The following PPFIA4 variants were observed in gnomAD, a reference collection of about 807,000 sequenced individuals.
PPFIA4 encodes liprin-alpha-4.
Under a neutral mutation model 145.7 loss-of-function variants are expected in PPFIA4, and 98 were observed. The ratio of observed to expected loss-of-function variants is 0.67; its 90% CI spans 0.57 to 0.80. PPFIA4 has a LOEUF of 0.80. PPFIA4 is among the 30% of genes least tolerant of loss of function. The pLI is 0.00. For missense variants in PPFIA4, 1,457 were observed against 1,632.7 expected, an observed-to-expected ratio of 0.89 and a Z score of 1.85; for synonymous variants, 628 against 649.6, an observed-to-expected ratio of 0.97 and a Z score of 0.51.
intron 9 of PPFIA4, 184 bp downstream of exon 9, chr1:203,046,566 T>C: frequency 1.6e-6 from 1 of 617,896 alleles, no homozygotes. Context: ...ATCCCTGTCC[T>C]CATCACCCTG....
intron 13 of PPFIA4, chr1:203,051,047 A>G: frequency 1.3e-6 from 1 of 744,022 alleles, no homozygotes; most frequent in Non-Finnish European, 1.6e-6. Context: ...GTGTCCCTTC[A>G]CTCTGGACTC....
intron 25 of PPFIA4, among the ~76,000 whole-genome samples, chr1:203,066,239 C>T (rs1661721312): frequency 6.6e-6 from 1 of 152,204 alleles, no homozygotes; most frequent in Admixed American, 6.5e-5. Flanking sequence ...TGGACCAAAG[C>T]TTAAACCAGC....
chr1:203,068,131 A>T lies in PPFIA4; in HGVS notation c.3149-322A>T, dbSNP rs1041320799. ...GATGCAAGTCTTAGAGGAGACCTTG[A>T]AGGTGGAAAGAATAAGAAGGCCATT... is the stretch of plus-strand genomic sequence containing the variant. On this transcript the variant is annotated intron_variant, in intron 26 of 29. Transcript: ENST00000295706. This position sits in a 1 kb window ranked among gnomAD's most constrained non-coding sequence, Gnocchi z 4.7. Among the ~76,000 whole-genome samples the T allele has an allele frequency of 3.9e-5, 6 of 152,140 alleles. No individual in the cohort carries two copies. Among genetic ancestry groups the T allele is most frequent in the Non-Finnish European group, 7.4e-5 (5 of 68,026 alleles).
In PPFIA4 at chr1:203,068,329, G is replaced by A. The variant is rs1286626374; in HGVS notation, c.3149-124G>A. ...AAGAAGATATGGAAATTTAGGGATG[G>A]AGTGGGGGTCAGAGAGCAGGGTGGA... On this transcript the variant is annotated intron_variant, in intron 26 of 29. Coordinates refer to ENST00000295706, the MANE Select transcript of PPFIA4 (RefSeq NM_001304331.2). The surrounding 1 kb of genome is among the most constrained non-coding windows in gnomAD (Gnocchi z 4.7). 2.5e-6 allele frequency: 2 copies of A among 812,224 alleles called. No individual in the cohort carries two copies. Among genetic ancestry groups the A allele is most frequent in the African/African-American group, 1.8e-5 (1 of 54,792 alleles). 50.3% of individuals were successfully genotyped at this position (812,224 alleles called of 1,614,324 possible). A position where few individuals can be genotyped will look rare whatever the true frequency, so the allele number is the denominator to read the frequency against.
Position 203,038,717 on chromosome 1 carries a change from G to T in PPFIA4, c.-292G>T, listed in dbSNP as rs1391696449. ...GCCATCTTCCAGCCCTGCTGTCCCTGCCTGTCATGGCCACATTCGGCTGCT... is the reference window on the plus strand; with the variant it reads ...GCCATCTTCCAGCCCTGCTGTCCCTTCCTGTCATGGCCACATTCGGCTGCT... On this transcript the variant is annotated 5_prime_UTR_variant, in exon 2 of 30. Coordinates refer to ENST00000295706, the MANE Select transcript of PPFIA4 (RefSeq NM_001304331.2). 2 of 255,426 alleles carry T rather than the reference G, an allele frequency of 7.8e-6. No homozygotes were observed. Among genetic ancestry groups the T allele is most frequent in the Non-Finnish European group, 1.5e-5 (2 of 133,340 alleles). The allele number at this position is 255,426 out of a possible 1,614,324, so 15.8% of individuals were successfully genotyped here.
At position 203,048,912 on chromosome 1, in the gene PPFIA4, C is replaced by A. The variant is rs1457221090; in HGVS notation, c.1357-6C>A. 1.3e-6 allele frequency: 2 copies of A among 1,548,344 alleles called. No individual in the cohort carries two copies. Among genetic ancestry groups the A allele is most frequent in the Non-Finnish European group, 8.7e-7 (1 of 1,146,818 alleles). ...AGGGGCCTGGCTCACAGCTGCTCTC[C>A]CCCAGAACACGTTGATCCAGGAGTT... On this transcript the variant is annotated splice_region_variant and splice_polypyrimidine_tract_variant and intron_variant, in intron 11 of 29. Transcript: ENST00000295706. The surrounding 1 kb of genome is among the most constrained non-coding windows in gnomAD (Gnocchi z 5.8).
chr1:203,060,318 G>A lies in PPFIA4; in HGVS notation c.2685G>A (p.Glu895=). Residue 895 remains glutamate, a synonymous_variant, in exon 22 of 30, where the codon GAG becomes GAA. Coordinates refer to ENST00000295706, the MANE Select transcript of PPFIA4 (RefSeq NM_001304331.2). This position sits in a 1 kb window ranked among gnomAD's most constrained non-coding sequence, Gnocchi z 4.8. ...TGTCGGACACAGAGATCCAGCGGGA[G>A]ATCGGCATCAGCAATGCCCTGCACC... ...SALSDTEIQR[E]IGISNALHRL... 6.2e-7 allele frequency: 1 copy of A among 1,614,110 alleles called. No individual in the cohort carries two copies. Among genetic ancestry groups the A allele is most frequent in the Non-Finnish European group, 8.5e-7 (1 of 1,179,950 alleles).
chr1:203,061,543 G>A (rs970906874), intron 23 of PPFIA4, 109 bp from the exon 24 acceptor site: 99 of 1,150,582 alleles, frequency 8.6e-5, no homozygotes, highest in Middle Eastern at 2.8e-4. Flanking sequence ...CAGTCACCCA[G>A]CCAGATACTG....
chr1:203,052,045 G>GCCTC (rs1553257052), intron 14 of PPFIA4, among the ~76,000 whole-genome samples, 168 bp downstream of exon 14: 1 of 102,972 alleles, frequency 9.7e-6, no homozygotes, highest in African/African-American at 3.8e-5. Flanking sequence ...CAACAGCTGT[G>GCCTC]CCCCCCCCCC....
chr1:203,044,879 T>C, intron 6 of PPFIA4, 94 bp downstream of exon 6: 1 of 995,778 alleles, frequency 1.0e-6, no homozygotes. Flanking sequence ...GACTAACTGC[T>C]TGAATTAAAT....
chr1:203,056,286 T>G, intron 17 of PPFIA4, 89 bp from the exon 18 acceptor site: 1 of 1,599,310 alleles, frequency 6.3e-7, no homozygotes, highest in African/African-American at 1.3e-5. Context: ...CCCCACTGCA[T>G]TTCTCCATGC....
intron 1 of PPFIA4, chr1:203,035,111 C>T (rs1659132846): frequency 2.8e-6 from 1 of 351,340 alleles, no homozygotes. Flanking sequence ...GACCCCCGCC[C>T]TCCCCATTTC....
intron 24 of PPFIA4, 29 bp downstream of exon 24, chr1:203,061,707 G>A: frequency 6.4e-7 from 1 of 1,555,198 alleles, no homozygotes; most frequent in Non-Finnish European, 8.7e-7. Context: ...TCTAGAACCA[G>A]CTCCCAAAAC....
intron 18 of PPFIA4, 64 bp from the exon 19 acceptor site, chr1:203,056,720 C>G (rs1262502631): frequency 2.1e-6 from 3 of 1,411,466 alleles, no homozygotes; most frequent in Non-Finnish European, 2.9e-6. Flanking sequence ...TAACTTCCAT[C>G]TTTCCTGCTG....
intron 14 of PPFIA4, among the ~76,000 whole-genome samples, chr1:203,053,232 A>G (rs569277683): frequency 6.6e-6 from 1 of 152,304 alleles, no homozygotes; most frequent in South Asian, 2.1e-4. Context: ...GTAATGTGCA[A>G]ACAAATCACC....
At chr1:203,072,285 C>T (rs1470925554) in intron 28 of PPFIA4, among the ~76,000 whole-genome samples, 2 of 152,210 alleles carry the variant, frequency 1.3e-5, no homozygotes, top group Non-Finnish European at 2.9e-5. Context: ...TAAACACACG[C>T]TCGGGCTTTT....
intron 19 of PPFIA4, among the ~76,000 whole-genome samples, chr1:203,058,438 A>G (rs1465911560): frequency 6.6e-6 from 1 of 152,148 alleles, no homozygotes; most frequent in Non-Finnish European, 1.5e-5. Context: ...GGCCACAGAC[A>G]GGGGAAGCTG....
At chr1:203,034,867 A>G (rs763345468) in intron 1 of PPFIA4, 1 of 356,104 alleles carries the variant, frequency 2.8e-6, no homozygotes, top group Non-Finnish European at 5.6e-6. Flanking sequence ...CCTCTTTGGC[A>G]TGAGACAGAC....
At chr1:203,072,067 A>G (rs550635541) in intron 28 of PPFIA4, among the ~76,000 whole-genome samples, 101 of 152,080 alleles carry the variant, frequency 6.6e-4, no homozygotes, top group African/African-American at 2.0e-3. Context: ...AGGATCAAAG[A>G]TTTTCCCCAA....
Sources: gnomAD v4.1 joint callset for allele counts (sites outside exome capture counted in the v4.1 genomes callset) on GRCh38, gnomAD v4.1.1 for gene constraint, Gnocchi (gnomAD v3.1) non-coding constraint, MANE v1.5 for transcripts, NCBI Gene and HGNC (gene_info 2026-07-23, HGNC 2026-07-21) for gene names.